Variants in FANCA observed in about 807,000 individuals in gnomAD.
The protein encoded by FANCA is Fanconi anemia group A protein.
Under a neutral mutation model 194.3 loss-of-function variants are expected in FANCA, and 236 were observed. The observed-to-expected ratio is 1.21, with a 90% confidence interval of 1.09 to 1.35. FANCA has a LOEUF of 1.35. Among genes scored for constraint, FANCA ranks in the 40% most tolerant of loss-of-function variants. The pLI is 0.00. For synonymous variants in FANCA, 1,014 were observed against 715.8 expected (o/e 1.42, Z -6.65); for missense variants, 2,628 against 1,813.9 (o/e 1.45, Z -8.15).
chr16:89,740,600 C>T (rs1425140070), intron 38 of FANCA: 4 of 591,458 alleles, frequency 6.8e-6, no homozygotes, highest in East Asian at 2.9e-5. Flanking sequence ...CACACCACTG[C>T]ACTCCAGCCT....
At chr16:89,762,476 C>A (rs1442689002) in intron 28 of FANCA, among the ~76,000 whole-genome samples, 2 of 151,780 alleles carry the variant, frequency 1.3e-5, no homozygotes, top group Admixed American at 1.3e-4. Flanking sequence ...TGTGTGTGGT[C>A]CCAGCCTCTT....
At position 89,794,328 on chromosome 16, in the gene FANCA, G is replaced by C. The variant is rs1200843037; in HGVS notation, c.1006+1578C>G. ...CCACTTTGGGAGGCCGAAGTGGGTG[G>C]ATCACAAGGTCAGGAGTTCTAGACC... On this transcript the variant is annotated intron_variant, in intron 11 of 42. Coordinates refer to ENST00000389301, the MANE Select transcript of FANCA (RefSeq NM_000135.4). Among the ~76,000 whole-genome samples the C allele has an allele frequency of 1.6e-4, 24 of 152,104 alleles. 1 individual carries two copies. The highest frequency in any genetic ancestry group is 4.4e-5 in the Non-Finnish European group (3 of 68,024).
At position 89,816,073 on chromosome 16, in the gene FANCA, A is replaced by C. The variant is rs2041108597; in HGVS notation, c.80-87T>G. 3 of 993,650 alleles carry C rather than the reference A, an allele frequency of 3.0e-6. No individual in the cohort carries two copies. The Admixed American group carries it at 5.5e-5, about 18-fold the overall frequency. 61.6% of individuals were successfully genotyped at this position (993,650 alleles called of 1,614,324 possible). A position where few individuals can be genotyped will look rare whatever the true frequency, so the allele number is the denominator to read the frequency against. ...GACGCGCAGGTGGACGCCGCGGAGA[A>C]ACCCACCAGCGACACCCTCCCGAAG... On this transcript the variant is annotated intron_variant, in intron 1 of 42. Transcript: ENST00000389301.
intron 30 of FANCA, among the ~76,000 whole-genome samples, chr16:89,752,685 T>G (rs935366306): frequency 3.3e-5 from 5 of 152,146 alleles, no homozygotes; most frequent in Non-Finnish European, 5.9e-5. Flanking sequence ...AGATAGGAGC[T>G]GAGGGGATAT....
intron 32 of FANCA, among the ~76,000 whole-genome samples, chr16:89,749,020 C>A (rs980814125): frequency 4.6e-5 from 7 of 152,224 alleles, no homozygotes; most frequent in Non-Finnish European, 1.0e-4. Flanking sequence ...TAATAACCAA[C>A]AACTTCTGAC....
At chr16:89,814,690 C>T in intron 2 of FANCA, 77 bp from the exon 3 acceptor site, 2 of 1,064,810 alleles carry the variant, frequency 1.9e-6, no homozygotes, top group East Asian at 4.8e-5. Context: ...CGCCTGTAAT[C>T]CCAGTACTTT....
At chr16:89,794,451 G>C (rs180883467) in intron 11 of FANCA, among the ~76,000 whole-genome samples, 35 of 152,272 alleles carry the variant, frequency 2.3e-4, no homozygotes. Flanking sequence ...GCAGGGAATA[G>C]CTTGAACCCA....
intron 36 of FANCA, 41 bp downstream of exon 36, chr16:89,744,918 G>T: frequency 6.4e-7 from 1 of 1,569,448 alleles, no homozygotes; most frequent in African/African-American, 1.3e-5. Flanking sequence ...GTCCCGAAGT[G>T]CATCTGGGCG....
At chr16:89,806,420 G>T (rs1350672856) in intron 6 of FANCA, among the ~76,000 whole-genome samples, 1 of 143,634 alleles carries the variant, frequency 7.0e-6, no homozygotes, top group Non-Finnish European at 1.5e-5. Context: ...AGGGTCATAG[G>T]ACAATGGTGG....
chr16:89,741,185 C>T (rs1480594225), intron 37 of FANCA, among the ~76,000 whole-genome samples: 1 of 152,194 alleles, frequency 6.6e-6, no homozygotes, highest in Non-Finnish European at 1.5e-5. Context: ...CCCTGCAAGG[C>T]CTCCTGTCAG....
At chr16:89,744,935 C>A (rs55892948) in intron 36 of FANCA, 24 bp downstream of exon 36, 3 of 1,603,870 alleles carry the variant, frequency 1.9e-6, no homozygotes, top group East Asian at 2.2e-5. Context: ...GGCGGGCACA[C>A]CCCATCTCAC....
chr16:89,814,703 G>A (rs992921892), intron 2 of FANCA, 90 bp from the exon 3 acceptor site: 3 of 928,438 alleles, frequency 3.2e-6, no homozygotes, highest in South Asian at 2.6e-5. Context: ...AGTACTTTGG[G>A]AGGCCGAGAT....
Position 89,738,286 on chromosome 16 carries a change from C to A in FANCA, c.*315G>T. ...ATGAGCACCTCTAGCAGCCTGGACT[C>A]CGCAGTGGCTGTGTCAGCCTCACCC... On this transcript the variant is annotated 3_prime_UTR_variant, in exon 43 of 43. Coordinates refer to ENST00000389301, the MANE Select transcript of FANCA (RefSeq NM_000135.4). 6.4e-7 allele frequency: 1 copy of A among 1,551,454 alleles called. No homozygotes were observed. Among genetic ancestry groups the A allele is most frequent in the Non-Finnish European group, 8.7e-7 (1 of 1,149,576 alleles).
chr16:89,745,124 C>T (rs17227222), intron 35 of FANCA, 53 bp from the exon 36 acceptor site: 1 of 1,495,896 alleles, frequency 6.7e-7, no homozygotes, highest in African/African-American at 1.4e-5. Flanking sequence ...GGACACACCT[C>T]CGCTGCCCCA....
intron 27 of FANCA, 80 bp downstream of exon 27, chr16:89,767,061 G>A (rs910317045): frequency 8.7e-7 from 1 of 1,149,012 alleles, no homozygotes; most frequent in African/African-American, 1.5e-5. Flanking sequence ...AGCGGCAGCA[G>A]ACCTCGGCCT....
intron 15 of FANCA, among the ~76,000 whole-genome samples, chr16:89,784,007 C>G (rs17232658): frequency 0.15 from 22,195 of 151,964 alleles, 2,627 homozygotes; most frequent in East Asian, 0.6. Context: ...GTGATCTGCC[C>G]TCCTCAGCCT....
chr16:89,804,734 A>C (rs2040573831), intron 7 of FANCA, among the ~76,000 whole-genome samples: 1 of 152,086 alleles, frequency 6.6e-6, no homozygotes, highest in African/African-American at 2.4e-5. Flanking sequence ...TTTTTCTCAT[A>C]ATATCATTCC....
rs61757384 is a variant in FANCA, at chr16:89,805,295, T to G, written c.694A>C (p.Arg232=). 3,535 of 1,613,696 alleles carry G rather than the reference T, an allele frequency of 2.2e-3. 7 individuals carry two copies. Among genetic ancestry groups the G allele is most frequent in the Non-Finnish European group, 2.6e-3 (3,073 of 1,179,740 alleles). The stretch of plus-strand genomic sequence containing the variant: ...ATGAACGCACCAGAAAGCATGGCCC[T>G]GGCGACGTCAGCATGCTGGCAGGAT... The part of the protein sequence containing the change: ...EASCQHADVA[R]AMLSDFVQMF... The change falls in exon 7 of 43, where the codon AGG becomes CGG. Residue 232 remains arginine, a synonymous_variant. Transcript: ENST00000389301.
chr16:89,773,488 G>A (rs2039394817), intron 21 of FANCA, 104 bp from the exon 22 acceptor site: 1 of 864,680 alleles, frequency 1.2e-6, no homozygotes, highest in Admixed American at 2.0e-5. Flanking sequence ...GAACTTCCAA[G>A]CTGCTGTGTG....
Sources: allele counts gnomAD v4.1 joint callset (sites outside exome capture counted in the v4.1 genomes callset), GRCh38; gene constraint gnomAD v4.1.1; transcripts MANE v1.5; gene names NCBI Gene and HGNC (gene_info 2026-07-23, HGNC 2026-07-21).